HCN1: variants seen among roughly 807,000 people sequenced by gnomAD.
The protein encoded by HCN1 is hyperpolarization activated cyclic nucleotide gated potassium channel 1, also known as potassium/sodium hyperpolarization-activated cyclic nucleotide-gated channel 1.
In HCN1, 13 loss-of-function variants were observed where a neutral mutation model predicts 78.9. The observed-to-expected ratio is 0.16, with a 90% CI of 0.11 to 0.26. The LOEUF (loss-of-function observed/expected upper bound fraction) is 0.26, where lower values mean the gene tolerates loss of function less well. Among genes scored for constraint, HCN1 ranks in the 10% least tolerant of loss-of-function variants. The pLI, the probability that HCN1 is intolerant of heterozygous loss-of-function variation, is 1.00. For missense variants in HCN1, 810 were observed against 1,154.3 expected, an observed-to-expected ratio of 0.70 and a Z score of 4.32; for synonymous variants, 552 against 455.5, an observed-to-expected ratio of 1.21 and a Z score of -2.70.
At chr5:45,497,732 C>T (rs1307600501) in intron 2 of HCN1, among the ~76,000 whole-genome samples, 1 of 152,112 alleles carries the variant, frequency 6.6e-6, no homozygotes, top group Admixed American at 6.6e-5. Context: ...ACTGGTTGTT[C>T]CTTTCCATGT....
chr5:45,304,016 G>A (rs1439029494), intron 5 of HCN1, among the ~76,000 whole-genome samples, 177 bp from the exon 6 acceptor site: 1 of 151,992 alleles, frequency 6.6e-6, no homozygotes, highest in Non-Finnish European at 1.5e-5. Flanking sequence ...TTATTTTTAT[G>A]TTGAAATTTT....
chr5:45,535,259 C>T (rs745851712), intron 2 of HCN1, among the ~76,000 whole-genome samples: 20 of 152,048 alleles, frequency 1.3e-4, no homozygotes, highest in Admixed American at 6.6e-4. Context: ...TGGAAGAGAA[C>T]GTCTTAATAT....
chr5:45,522,998 T>A (rs1490049175), intron 2 of HCN1, among the ~76,000 whole-genome samples: 2 of 151,834 alleles, frequency 1.3e-5, no homozygotes, highest in Non-Finnish European at 2.9e-5. Flanking sequence ...CCTAAGGCCA[T>A]CCCTCCCCAC....
At chr5:45,401,887 T>C (rs1008441551) in intron 3 of HCN1, among the ~76,000 whole-genome samples, 59 of 151,812 alleles carry the variant, frequency 3.9e-4, no homozygotes, top group African/African-American at 1.4e-3. Context: ...TTAAACAAGG[T>C]TTAATTAAAC....
At chr5:45,481,319 C>A (rs1741646517) in intron 2 of HCN1, among the ~76,000 whole-genome samples, 1 of 152,156 alleles carries the variant, frequency 6.6e-6, no homozygotes, top group Admixed American at 6.5e-5. Flanking sequence ...ATTTAAAGAA[C>A]CTGGATCTCA....
rs1227904137 is a variant in HCN1, at chr5:45,256,517, C to G, written c.*5404G>C. The stretch of plus-strand genomic sequence containing the variant: ...TCTCCAATAGAAATTAAAGAACTGG[C>G]TTCACTTTTTTGTTTGTTTGGGTTT... On this transcript the variant is annotated 3_prime_UTR_variant, in exon 8 of 8. Transcript: ENST00000303230. The G allele has an allele frequency of 6.6e-6, 1 of 151,986 alleles. No homozygotes were observed. The highest frequency in any genetic ancestry group is 1.5e-5 in the Non-Finnish European group (1 of 68,014). The allele number at this position is 151,986 out of a possible 1,614,324, so 9.4% of individuals were successfully genotyped here.
At chr5:45,294,515 C>G (rs1041401240) in intron 6 of HCN1, among the ~76,000 whole-genome samples, 1 of 151,730 alleles carries the variant, frequency 6.6e-6, no homozygotes, top group Non-Finnish European at 1.5e-5. Context: ...AATTAGAACA[C>G]TTTGGCGTGG....
chr5:45,287,254 C>T (rs116341299), intron 6 of HCN1, among the ~76,000 whole-genome samples: 2,817 of 151,758 alleles, frequency 0.019, 99 homozygotes, highest in African/African-American at 0.066. Context: ...GTGAAAGTCC[C>T]AGCCCTGTCA....
chr5:45,549,254 A>G (rs1420107847), intron 2 of HCN1, among the ~76,000 whole-genome samples: 1 of 152,156 alleles, frequency 6.6e-6, no homozygotes, highest in African/African-American at 2.4e-5. Context: ...CTATACTACA[A>G]GGCTACAGTA....
intron 2 of HCN1, among the ~76,000 whole-genome samples, chr5:45,586,624 G>A (rs1744233865): frequency 6.6e-6 from 1 of 152,114 alleles, no homozygotes; most frequent in African/African-American, 2.4e-5. Context: ...CTCAGGCTGG[G>A]AGCTGTAGAG....
intron 2 of HCN1, among the ~76,000 whole-genome samples, chr5:45,546,966 CT>C (rs1329979559): frequency 2.0e-5 from 3 of 151,918 alleles, no homozygotes; most frequent in Non-Finnish European, 2.9e-5. Flanking sequence ...GTTTCCCTCT[CT>C]TCTATGTCTC....
intron 5 of HCN1, among the ~76,000 whole-genome samples, chr5:45,345,215 A>C (rs1000044825): frequency 2.8e-4 from 42 of 152,282 alleles, no homozygotes; most frequent in African/African-American, 9.9e-4. Context: ...CAGGGCACCA[A>C]GTCCCTAGGC....
intron 5 of HCN1, among the ~76,000 whole-genome samples, chr5:45,322,430 C>A (rs997030994): frequency 7.9e-5 from 12 of 151,688 alleles, no homozygotes; most frequent in Non-Finnish European, 7.4e-5. Context: ...ATAACAACAA[C>A]CCAATGAAAC....
intron 3 of HCN1, among the ~76,000 whole-genome samples, chr5:45,411,965 G>A (rs143206314): frequency 5.6e-4 from 85 of 152,142 alleles, no homozygotes; most frequent in South Asian, 2.7e-3. Flanking sequence ...GCCACAAATT[G>A]GCAGACTAAC....
Position 45,545,663 on chromosome 5 carries a change from T to C in HCN1, c.850-83656A>G, listed in dbSNP as rs537875487. On this transcript the variant is annotated intron_variant, in intron 2 of 7. Transcript: ENST00000303230. ...AGGGATCCAGTTTCAGCTTTCTACA[T>C]ATGGCTAGCCAGTTTTCCCAGCACC... is the stretch of plus-strand genomic sequence containing the variant. Among the ~76,000 whole-genome samples the C allele has an allele frequency of 3.3e-5, 5 of 152,330 alleles. No individual in the cohort carries two copies. In the South Asian group the frequency reaches 8.3e-4, roughly 25 times the overall value.
intron 1 of HCN1, among the ~76,000 whole-genome samples, chr5:45,689,110 G>C (rs1739859596): frequency 6.6e-6 from 1 of 151,958 alleles, no homozygotes. Context: ...ATATTGAATT[G>C]CTTACTTTAA....
chr5:45,344,267 C>T (rs1170469145), intron 5 of HCN1, among the ~76,000 whole-genome samples: 1 of 152,220 alleles, frequency 6.6e-6, no homozygotes, highest in East Asian at 1.9e-4. Context: ...CCAGGTACCT[C>T]CCATGACATG....
chr5:45,293,121 G>A (rs1356144057), intron 6 of HCN1, among the ~76,000 whole-genome samples: 1 of 151,926 alleles, frequency 6.6e-6, no homozygotes, highest in Non-Finnish European at 1.5e-5. Flanking sequence ...CCAGTAATGG[G>A]ATTGCTGGGT....
chr5:45,255,088 A>G lies in HCN1; in HGVS notation c.*6833T>C, dbSNP rs1744579784. On this transcript the variant is annotated 3_prime_UTR_variant, in exon 8 of 8. Transcript: ENST00000303230. ...ATGGCACCAAAATTTATGTGACATA[A>G]GGAAATTATAATACCTAACACATAT... 1 of 152,252 alleles carries G rather than the reference A, an allele frequency of 6.6e-6. No homozygotes were observed. Among genetic ancestry groups the G allele is most frequent in the African/African-American group, 2.4e-5 (1 of 41,468 alleles). 9.4% of individuals were successfully genotyped at this position (152,252 alleles called of 1,614,324 possible).
Sources: allele counts gnomAD v4.1 joint callset (sites outside exome capture counted in the v4.1 genomes callset), GRCh38; gene constraint gnomAD v4.1.1; transcripts MANE v1.5; gene names NCBI Gene and HGNC (gene_info 2026-07-23, HGNC 2026-07-21).